The following TNRC6B variants were observed in gnomAD, a reference collection of about 807,000 sequenced individuals.
TNRC6B encodes the protein trinucleotide repeat-containing gene 6B protein.
In TNRC6B, 52 loss-of-function variants were observed where a neutral mutation model predicts 203.6. That is an observed-to-expected ratio of 0.26 (90% CI 0.20 to 0.32). The LOEUF is 0.32. Among genes scored for constraint, TNRC6B ranks in the 10% least tolerant of loss-of-function variants. The probability of loss-of-function intolerance (pLI) is 1.00; values close to 1 mark genes in which losing one functional copy is unlikely to be tolerated. For missense variants in TNRC6B, 1,923 were observed against 2,286.2 expected (o/e 0.84, Z 3.24); for synonymous variants, 838 against 845.7 (o/e 0.99, Z 0.16).
intron 3 of TNRC6B, among the ~76,000 whole-genome samples, chr22:40,255,207 G>C (rs1249750764): frequency 6.6e-6 from 1 of 152,220 alleles, no homozygotes; most frequent in Non-Finnish European, 1.5e-5. Context: ...TTACTCTTCA[G>C]ATAGCACCAA....
intron 1 of TNRC6B, among the ~76,000 whole-genome samples, chr22:40,098,376 C>T (rs2068202335): frequency 1.6e-5 from 2 of 123,588 alleles, no homozygotes; most frequent in East Asian, 2.2e-4. Context: ...CAGAGCGAGA[C>T]TCCGTCTCAA....
At chr22:40,268,193 C>T (rs991513842) in intron 5 of TNRC6B, among the ~76,000 whole-genome samples, 1 of 152,158 alleles carries the variant, frequency 6.6e-6, no homozygotes, top group African/African-American at 2.4e-5. Flanking sequence ...TCAAGTGATT[C>T]TCTTGCCTCA....
intron 1 of TNRC6B, among the ~76,000 whole-genome samples, chr22:40,093,422 A>G (rs556363591): frequency 6.6e-6 from 1 of 152,232 alleles, no homozygotes; most frequent in African/African-American, 2.4e-5. Context: ...TCCAAAATTG[A>G]TGAAATAACT....
At chr22:40,049,769 A>G (rs996465588) in intron 1 of TNRC6B, among the ~76,000 whole-genome samples, 1 of 151,978 alleles carries the variant, frequency 6.6e-6, no homozygotes, top group Admixed American at 6.6e-5. Flanking sequence ...AAATCTGGCT[A>G]ATTTTTGTAT....
rs531623118 is a variant in TNRC6B, at chr22:40,324,492, C to T, written c.*1251C>T. ...CAAAAAATTAGGTGAAGTTGAGTTACATATTTCTGTTGGTTGGTTCTCTTT... is the reference window on the plus strand; with the variant it reads ...CAAAAAATTAGGTGAAGTTGAGTTATATATTTCTGTTGGTTGGTTCTCTTT... On this transcript the variant is annotated 3_prime_UTR_variant, in exon 23 of 23. Transcript: ENST00000454349. 6.5e-6 allele frequency: 1 copy of T among 152,766 alleles called. No individual in the cohort carries two copies. Among genetic ancestry groups the T allele is most frequent in the East Asian group, 1.9e-4 (1 of 5,190 alleles). 9.5% of individuals were successfully genotyped at this position (152,766 alleles called of 1,614,324 possible).
chr22:40,278,372 A>G (rs2070678986), intron 9 of TNRC6B, among the ~76,000 whole-genome samples: 1 of 152,132 alleles, frequency 6.6e-6, no homozygotes, highest in East Asian at 1.9e-4. Context: ...ATCCTGGCCT[A>G]CATGGTGAAA....
intron 1 of TNRC6B, among the ~76,000 whole-genome samples, chr22:40,059,484 A>G (rs907187372): frequency 1.3e-5 from 2 of 152,218 alleles, no homozygotes; most frequent in Non-Finnish European, 2.9e-5. Flanking sequence ...TTCGAGTACC[A>G]TGCTGAACAG....
At position 40,301,083 on chromosome 22, in the gene TNRC6B, G is replaced by A. The variant is rs957579249; in HGVS notation, c.3937-67G>A. 56 of 1,563,024 alleles carry A rather than the reference G, an allele frequency of 3.6e-5. No individual in the cohort carries two copies. In the South Asian group the frequency reaches 4.8e-4, roughly 13 times the overall value. ...GCTTAGCCTCTGATGGCAAAGAACCGGGCACAGTCTTTTCCTGGGAAGTTC... is the reference window on the plus strand; with the variant it reads ...GCTTAGCCTCTGATGGCAAAGAACCAGGCACAGTCTTTTCCTGGGAAGTTC... On this transcript the variant is annotated intron_variant, in intron 14 of 22. Coordinates refer to ENST00000454349, the MANE Select transcript of TNRC6B (RefSeq NM_001162501.2).
intron 21 of TNRC6B, among the ~76,000 whole-genome samples, chr22:40,318,617 ATC>A (rs2071291982): frequency 6.6e-6 from 1 of 152,188 alleles, no homozygotes; most frequent in South Asian, 2.1e-4. Context: ...AATATGAAGA[ATC>A]TTGTATGACC....
At chr22:40,201,853 G>A (rs564071497) in intron 1 of TNRC6B, among the ~76,000 whole-genome samples, 12 of 152,060 alleles carry the variant, frequency 7.9e-5, no homozygotes, top group African/African-American at 2.7e-4. Flanking sequence ...GGAGTATTTC[G>A]GATTTCAGAT....
chr22:40,213,001 A>G (rs903371492), intron 1 of TNRC6B, among the ~76,000 whole-genome samples: 27 of 152,330 alleles, frequency 1.8e-4, no homozygotes, highest in African/African-American at 5.3e-4. Context: ...AGTGGCTACC[A>G]TATTAAACAG....
At chr22:40,084,586 TTGG>T (rs2068087057) in intron 1 of TNRC6B, among the ~76,000 whole-genome samples, 1 of 152,152 alleles carries the variant, frequency 6.6e-6, no homozygotes, top group Admixed American at 6.5e-5. Context: ...CCTTTTAGAC[TTGG>T]TGGCCTCTCT....
intron 4 of TNRC6B, among the ~76,000 whole-genome samples, chr22:40,161,991 C>G (rs972212273): frequency 3.3e-5 from 5 of 152,154 alleles, no homozygotes; most frequent in African/African-American, 1.2e-4. Context: ...TTTGAGAGGT[C>G]ATTATAGATA....
intron 6 of TNRC6B, among the ~76,000 whole-genome samples, chr22:40,272,258 C>G (rs2070575302): frequency 6.6e-6 from 1 of 152,186 alleles, no homozygotes; most frequent in African/African-American, 2.4e-5. Flanking sequence ...CTTCCTGTGG[C>G]TACAATGAAC....
intron 4 of TNRC6B, among the ~76,000 whole-genome samples, chr22:40,171,440 C>T (rs757706901): frequency 5.3e-5 from 8 of 152,022 alleles, no homozygotes; most frequent in East Asian, 1.9e-4. Flanking sequence ...GGATTACAGG[C>T]GTGAGCCACC....
At chr22:40,312,414 T>C (rs1275464631) in intron 17 of TNRC6B, 91 bp from the exon 18 acceptor site, 1 of 1,304,646 alleles carries the variant, frequency 7.7e-7, no homozygotes, top group Non-Finnish European at 1.0e-6. Flanking sequence ...TATTTATACT[T>C]TTCACAGACC....
chr22:40,269,993 G>A, intron 5 of TNRC6B, 129 bp from the exon 6 acceptor site: 1 of 915,080 alleles, frequency 1.1e-6, no homozygotes, highest in South Asian at 2.0e-5. Context: ...CCCCTCACAT[G>A]AAAGTTGAAT....
chr22:40,133,291 C>G (rs912562514), intron 3 of TNRC6B, among the ~76,000 whole-genome samples: 18 of 151,884 alleles, frequency 1.2e-4, no homozygotes, highest in African/African-American at 3.9e-4. Context: ...ATCATCTCTT[C>G]TTTTTATTGA....
intron 1 of TNRC6B, among the ~76,000 whole-genome samples, chr22:40,229,896 C>G (rs1430891377): frequency 6.6e-6 from 1 of 152,160 alleles, no homozygotes; most frequent in East Asian, 1.9e-4. Flanking sequence ...TCGTTTTCAG[C>G]TCTTATCAAT....
Sources: gnomAD v4.1 joint callset for allele counts (sites outside exome capture counted in the v4.1 genomes callset) on GRCh38, gnomAD v4.1.1 for gene constraint, MANE v1.5 for transcripts, NCBI Gene and HGNC (gene_info 2026-07-23, HGNC 2026-07-21) for gene names.